R3HDM1: variants seen among roughly 807,000 people sequenced by gnomAD.
The protein encoded by R3HDM1 is R3H domain containing 1.
R3HDM1 carries 46 observed loss-of-function variants against 141.1 expected under a neutral mutation model. The ratio of observed to expected loss-of-function variants is 0.33; its 90% CI spans 0.26 to 0.42. R3HDM1 has a LOEUF of 0.42. Among genes scored for constraint, R3HDM1 ranks in the 10% least tolerant of loss-of-function variants. R3HDM1 has a pLI of 1.00. For missense variants in R3HDM1, 1,184 were observed against 1,368.3 expected, an observed-to-expected ratio of 0.87 and a Z score of 2.12; for synonymous variants, 435 against 472.9, an observed-to-expected ratio of 0.92 and a Z score of 1.04.
intron 1 of R3HDM1, among the ~76,000 whole-genome samples, chr2:135,597,496 T>G (rs1219407331): frequency 1.3e-5 from 2 of 152,232 alleles, no homozygotes; most frequent in Non-Finnish European, 1.5e-5. Flanking sequence ...CTCTTCGCCT[T>G]TCTTTCTAGA....
chr2:135,721,926 G>A lies in R3HDM1; in HGVS notation c.2884G>A (p.Asp962Asn), dbSNP rs950328601. 15 of 1,612,354 alleles carry A rather than the reference G, an allele frequency of 9.3e-6. No homozygotes were observed. The highest frequency in any genetic ancestry group is 1.0e-5 in the Non-Finnish European group (12 of 1,178,674). ...TAAAATATTTTATTGACTTTCAGGA[G>A]ATTCCAGGTATCCATTACTTGGCCA... is the stretch of plus-strand genomic sequence containing the variant. ...FSRPFVPGQG[D>N]SRYPLLGQPL... is the part of the protein sequence containing the mutation. The change falls in exon 25 of 27, where the codon GAT becomes AAT. Residue 962 changes from aspartate to asparagine, a missense_variant and splice_region_variant. Asp to Asn is a conservative substitution (Grantham distance 23, BLOSUM62 1). Around this residue, in one of 5 missense-constraint regions of R3HDM1, gnomAD observed 182 missense variants for 252.6 expected, o/e 0.72. Coordinates refer to ENST00000683871, the MANE Select transcript of R3HDM1 (RefSeq NM_001378107.1).
chr2:135,588,265 T>A (rs1708405325), intron 1 of R3HDM1, among the ~76,000 whole-genome samples: 1 of 152,002 alleles, frequency 6.6e-6, no homozygotes, highest in Admixed American at 6.6e-5. Flanking sequence ...TTCTTTCTTC[T>A]CCCTCTCTCA....
At chr2:135,610,159 A>G (rs895569358) in intron 3 of R3HDM1, among the ~76,000 whole-genome samples, 5 of 152,204 alleles carry the variant, frequency 3.3e-5, no homozygotes, top group Non-Finnish European at 4.4e-5. Flanking sequence ...TTCAAACTCA[A>G]CTTTCCCATT....
chr2:135,556,805 A>C (rs1273896270), intron 1 of R3HDM1, among the ~76,000 whole-genome samples: 2 of 152,126 alleles, frequency 1.3e-5, no homozygotes, highest in Non-Finnish European at 2.9e-5. Context: ...GGCATGAGCC[A>C]CCGGGCCTAG....
At chr2:135,707,885 C>T (rs536547013) in intron 21 of R3HDM1, among the ~76,000 whole-genome samples, 5 of 152,278 alleles carry the variant, frequency 3.3e-5, no homozygotes, top group African/African-American at 1.2e-4. Context: ...CCCTTTATAT[C>T]TCTTTTTCCC....
At chr2:135,555,085 A>C (rs1700473816) in intron 1 of R3HDM1, among the ~76,000 whole-genome samples, 1 of 152,098 alleles carries the variant, frequency 6.6e-6, no homozygotes, top group Non-Finnish European at 1.5e-5. Context: ...GCGGATCACG[A>C]GGTCAAGAGA....
intron 19 of R3HDM1, chr2:135,670,336 T>C: frequency 2.0e-6 from 2 of 985,212 alleles, no homozygotes; most frequent in Non-Finnish European, 2.4e-6. Flanking sequence ...CTAAAATGTT[T>C]ATATTTTTTG....
chr2:135,710,234 A>T lies in R3HDM1; in HGVS notation c.2736+3A>T. 6.2e-7 allele frequency: 1 copy of T among 1,610,406 alleles called. No homozygotes were observed. Among genetic ancestry groups the T allele is most frequent in the Non-Finnish European group, 8.5e-7 (1 of 1,177,510 alleles). On this transcript the variant is annotated splice_donor_region_variant and intron_variant, in intron 23 of 26. Transcript: ENST00000683871. ...GCAGTGTAGACAATATTGTCCAGGT[A>T]AGATGGTTTTGTTCATTATCATTTT...
intron 11 of R3HDM1, among the ~76,000 whole-genome samples, chr2:135,637,593 A>G (rs1221840003): frequency 2.6e-5 from 4 of 152,128 alleles, no homozygotes; most frequent in Non-Finnish European, 5.9e-5. Context: ...GGTTGCAGTG[A>G]CCCAAGATGG....
intron 1 of R3HDM1, among the ~76,000 whole-genome samples, chr2:135,591,591 C>T (rs1709289413): frequency 6.6e-6 from 1 of 152,130 alleles, no homozygotes; most frequent in Non-Finnish European, 1.5e-5. Flanking sequence ...GAACAAAGCA[C>T]AAAACACATT....
chr2:135,649,883 C>T lies in R3HDM1; in HGVS notation c.1624-19C>T. On this transcript the variant is annotated intron_variant, in intron 16 of 26. Transcript: ENST00000683871. ...TTTATTCTGACATTAACATTGTTTG[C>T]CAACCTGTTATTCTTTAGCCTGTTC... 1 of 1,195,930 alleles carries T rather than the reference C, an allele frequency of 8.4e-7. No homozygotes were observed. The highest frequency in any genetic ancestry group is 1.1e-6 in the Non-Finnish European group (1 of 930,006). The allele number at this position is 1,195,930 out of a possible 1,614,324, so 74.1% of individuals were successfully genotyped here.
At position 135,715,588 on chromosome 2, in the gene R3HDM1, T is replaced by C. The variant is rs752403092; in HGVS notation, c.2775T>C (p.Ala925=). 286 of 1,613,982 alleles carry C rather than the reference T, an allele frequency of 1.8e-4. No individual in the cohort carries two copies. The highest frequency in any genetic ancestry group is 2.3e-4 in the Non-Finnish European group (274 of 1,179,994). ...PQLSSPIISP[A]QSPAPAQLST... ...TCAGTAGCCCCATTATTTCACCAGC[T>C]CAGTCGCCAGCACCAGCTCAGCTGT... Residue 925 remains alanine, a synonymous_variant, in exon 24 of 27, where the codon GCT becomes GCC. Coordinates refer to ENST00000683871, the MANE Select transcript of R3HDM1 (RefSeq NM_001378107.1).
Position 135,638,877 on chromosome 2 carries a change from T to A in R3HDM1, c.993-19T>A. ...GTTCCCCTGCATTAGCTTTTCAAGG[T>A]TTTATTTCTAAATTACAGAGTTAAT... On this transcript the variant is annotated intron_variant, in intron 13 of 26. Transcript: ENST00000683871. 6.2e-7 allele frequency: 1 copy of A among 1,612,668 alleles called. No homozygotes were observed. Among genetic ancestry groups the A allele is most frequent in the Non-Finnish European group, 8.5e-7 (1 of 1,179,378 alleles).
chr2:135,633,582 A>G (rs529391934), intron 9 of R3HDM1: 1 of 147,770 alleles, frequency 6.8e-6, no homozygotes, highest in African/African-American at 2.5e-5. Flanking sequence ...CATTCAAGTT[A>G]CACTGTACTT....
At chr2:135,638,705 T>C (rs780371295) in intron 12 of R3HDM1, 34 bp from the exon 13 acceptor site, 4 of 1,613,172 alleles carry the variant, frequency 2.5e-6, no homozygotes, top group African/African-American at 1.3e-5. Context: ...CTGATGCTAA[T>C]AAAAATTAAA....
chr2:135,536,876 G>A, intron 1 of R3HDM1: 1 of 234,086 alleles, frequency 4.3e-6, no homozygotes, highest in East Asian at 1.8e-4. Flanking sequence ...ACCTTACTGT[G>A]AACTGCGCAT....
At chr2:135,612,857 A>T (rs1176620335) in intron 3 of R3HDM1, among the ~76,000 whole-genome samples, 1 of 152,244 alleles carries the variant, frequency 6.6e-6, no homozygotes, top group Non-Finnish European at 1.5e-5. Context: ...TGCCAAGTAG[A>T]TTACAAAAAT....
At chr2:135,584,112 G>A (rs888383881) in intron 1 of R3HDM1, 2 of 918,002 alleles carry the variant, frequency 2.2e-6, no homozygotes, top group African/African-American at 1.8e-5. Flanking sequence ...TGGATCACTT[G>A]AGGTCAGAAG....
intron 1 of R3HDM1, chr2:135,586,360 C>G (rs532681116): frequency 6.5e-6 from 1 of 152,800 alleles, no homozygotes; most frequent in African/African-American, 2.4e-5. Context: ...TTAGACTGCT[C>G]TAGCAGGCAC....
Sources: allele counts gnomAD v4.1 joint callset (sites outside exome capture counted in the v4.1 genomes callset), GRCh38; gene constraint gnomAD v4.1.1; regional missense constraint gnomAD v4.1.1; transcripts MANE v1.5; gene names NCBI Gene and HGNC (gene_info 2026-07-23, HGNC 2026-07-21).